TMEM108: variants seen among roughly 807,000 people sequenced by gnomAD.
The protein encoded by TMEM108 is cancer/testis antigen 124.
In TMEM108, 12 loss-of-function variants were observed where a neutral mutation model predicts 35.1. That is an observed-to-expected ratio of 0.34 (90% CI 0.22 to 0.55). The LOEUF (loss-of-function observed/expected upper bound fraction) is 0.55. Ranked by LOEUF, TMEM108 falls within the 20% of genes least tolerant of loss-of-function variation. The pLI is 0.89. For missense variants in TMEM108, 680 were observed against 753.3 expected (o/e 0.90, Z 1.14); for synonymous variants, 287 against 308.6 (o/e 0.93, Z 0.73).
chr3:133,133,396 A>G (rs1559842823), intron 2 of TMEM108, among the ~76,000 whole-genome samples: 1 of 152,204 alleles, frequency 6.6e-6, no homozygotes, highest in African/African-American at 2.4e-5. Flanking sequence ...TAATTAAGGT[A>G]TGTACTTTTT....
rs1553739801 is a variant in TMEM108 at position 133,143,975 on chromosome 3, T to TA, written c.-46-85290dup. ...TATTTTATTTTATTTTATTTTATTT[T>TA]ATTTTATTTTGCTTTGCTTTAAATT... On this transcript the variant is annotated intron_variant, in intron 2 of 5. Coordinates refer to ENST00000321871, the MANE Select transcript of TMEM108 (RefSeq NM_023943.4). Among the ~76,000 whole-genome samples the TA allele has an allele frequency of 1.6e-3, 237 of 150,898 alleles. 2 individuals are homozygous for TA. The highest frequency in any genetic ancestry group is 5.2e-3 in the African/African-American group (214 of 40,966).
chr3:133,156,762 G>T (rs1287033627), intron 2 of TMEM108, among the ~76,000 whole-genome samples: 1 of 152,130 alleles, frequency 6.6e-6, no homozygotes, highest in Non-Finnish European at 1.5e-5. Context: ...GTTAGGTATG[G>T]CCATGTGTCT....
At chr3:133,100,570 A>T (rs1199105521) in intron 2 of TMEM108, among the ~76,000 whole-genome samples, 1 of 152,182 alleles carries the variant, frequency 6.6e-6, no homozygotes, top group East Asian at 1.9e-4. Context: ...ATGCCACTGA[A>T]CACCAGCCTG....
chr3:133,260,050 C>T lies in TMEM108; in HGVS notation c.40+30699C>T, dbSNP rs554510371. Among the ~76,000 whole-genome samples, 66 of 152,296 alleles carry T rather than the reference C, an allele frequency of 4.3e-4. 1 individual carries two copies. Among genetic ancestry groups the T allele is most frequent in the Middle Eastern group, 3.4e-3 (1 of 294 alleles). ...GGCTCCTGCCAGATGTGGAAACAACCGTACCAGTTCATCTGCACCTTGAGC... is the reference window on the plus strand; with the variant it reads ...GGCTCCTGCCAGATGTGGAAACAACTGTACCAGTTCATCTGCACCTTGAGC... On this transcript the variant is annotated intron_variant, in intron 3 of 5. Transcript: ENST00000321871.
At chr3:133,168,267 C>T (rs1186663988) in intron 2 of TMEM108, among the ~76,000 whole-genome samples, 2 of 152,120 alleles carry the variant, frequency 1.3e-5, no homozygotes, top group Non-Finnish European at 2.9e-5. Flanking sequence ...AACAGAATAC[C>T]ACAGACTGGG....
chr3:133,368,365 G>C (rs1389868660), intron 3 of TMEM108, among the ~76,000 whole-genome samples: 1 of 152,220 alleles, frequency 6.6e-6, no homozygotes. Flanking sequence ...ACTTGTCTCT[G>C]TAAAATCCAA....
At chr3:133,337,026 CACAGT>C (rs1344479707) in intron 3 of TMEM108, among the ~76,000 whole-genome samples, 1 of 152,112 alleles carries the variant, frequency 6.6e-6, no homozygotes, top group African/African-American at 2.4e-5. Context: ...CCAGCTCAGC[CACAGT>C]ACAGTAGAAC....
chr3:133,274,424 C>T (rs907180581), intron 3 of TMEM108, among the ~76,000 whole-genome samples: 1 of 152,194 alleles, frequency 6.6e-6, no homozygotes, highest in Non-Finnish European at 1.5e-5. Context: ...TCTGCATGCA[C>T]AGTGCCTGGA....
intron 2 of TMEM108, among the ~76,000 whole-genome samples, chr3:133,172,331 T>G (rs1421715753): frequency 6.6e-6 from 1 of 152,216 alleles, no homozygotes; most frequent in Non-Finnish European, 1.5e-5. Flanking sequence ...AAGGCTAATA[T>G]TTATGAAGTC....
chr3:133,380,970 C>T lies in TMEM108; in HGVS notation c.1259C>T (p.Thr420Ile). ...MTDRVPSPLSTVVSTATGNFL... is the reference protein window; with the variant it reads ...MTDRVPSPLSIVVSTATGNFL... Reference sequence around the variant, plus strand: ...GACCGGGTGCCCAGTCCTCTCTCCACAGTGGTATCCACAGCCACAGGCAAT... The same window carrying T: ...GACCGGGTGCCCAGTCCTCTCTCCATAGTGGTATCCACAGCCACAGGCAAT... The change falls in exon 4 of 6, where the codon ACA becomes ATA. Residue 420 changes from threonine to isoleucine, a missense_variant. By Grantham distance (89) the Thr-to-Ile change is moderately conservative. This residue lies in a region of TMEM108 where 526 missense variants were observed against 532.1 expected (regional missense o/e 0.99). Transcript: ENST00000321871. This position sits in a 1 kb window ranked among gnomAD's most constrained non-coding sequence, Gnocchi z 5.3. The T allele has an allele frequency of 6.2e-7, 1 of 1,614,230 alleles. No individual in the cohort carries two copies. Among genetic ancestry groups the T allele is most frequent in the Non-Finnish European group, 8.5e-7 (1 of 1,180,034 alleles).
intron 3 of TMEM108, among the ~76,000 whole-genome samples, chr3:133,337,266 A>T (rs1425975241): frequency 1.3e-5 from 2 of 152,192 alleles, no homozygotes; most frequent in African/African-American, 4.8e-5. Flanking sequence ...TGCAGGCTGC[A>T]GGTCTTACCC....
At chr3:133,147,594 GCTTGTAGTA>G (rs1165726724) in intron 2 of TMEM108, among the ~76,000 whole-genome samples, 3 of 151,850 alleles carry the variant, frequency 2.0e-5, no homozygotes, top group Non-Finnish European at 4.4e-5. Context: ...TTTGTTTTTT[GCTTGTAGTA>G]AAAATATTGG....
intron 3 of TMEM108, among the ~76,000 whole-genome samples, chr3:133,358,573 G>A (rs373074168): frequency 3.9e-5 from 6 of 152,260 alleles, no homozygotes; most frequent in African/African-American, 1.4e-4. Flanking sequence ...GGATGCCTTC[G>A]TCCAGTGCTC....
chr3:133,258,957 A>G (rs1332447778), intron 3 of TMEM108, among the ~76,000 whole-genome samples: 1 of 152,186 alleles, frequency 6.6e-6, no homozygotes, highest in Non-Finnish European at 1.5e-5. Flanking sequence ...TTGTTTTAGT[A>G]TTTGCAGGCC....
chr3:133,067,867 A>C (rs1943629612), intron 2 of TMEM108, among the ~76,000 whole-genome samples: 1 of 152,228 alleles, frequency 6.6e-6, no homozygotes, highest in Non-Finnish European at 1.5e-5. Context: ...CTTGTCTCAC[A>C]GTTCTAAAAA....
intron 3 of TMEM108, among the ~76,000 whole-genome samples, chr3:133,248,869 T>C (rs1377985052): frequency 6.6e-6 from 1 of 152,232 alleles, no homozygotes; most frequent in African/African-American, 2.4e-5. Flanking sequence ...TGGCTTCTAA[T>C]ATACATCCAC....
intron 4 of TMEM108, among the ~76,000 whole-genome samples, chr3:133,382,158 C>T (rs1182628276): frequency 6.6e-6 from 1 of 152,194 alleles, no homozygotes; most frequent in Non-Finnish European, 1.5e-5. Flanking sequence ...CAAATGGTTA[C>T]CATCTGCCAC....
At chr3:133,147,170 T>G (rs1321241337) in intron 2 of TMEM108, among the ~76,000 whole-genome samples, 1 of 152,236 alleles carries the variant, frequency 6.6e-6, no homozygotes, top group African/African-American at 2.4e-5. Context: ...GTCTTTGTTC[T>G]CATAGGTTTC....
intron 2 of TMEM108, among the ~76,000 whole-genome samples, chr3:133,184,449 C>A (rs1038464642): frequency 6.6e-6 from 1 of 152,092 alleles, no homozygotes; most frequent in African/African-American, 2.4e-5. Context: ...ATTTTCTTTA[C>A]TGGGCAAAGA....
Sources: allele counts gnomAD v4.1 joint callset (sites outside exome capture counted in the v4.1 genomes callset), GRCh38; gene constraint gnomAD v4.1.1; regional missense constraint gnomAD v4.1.1; non-coding constraint Gnocchi (gnomAD v3.1); transcripts MANE v1.5; gene names NCBI Gene and HGNC (gene_info 2026-07-23, HGNC 2026-07-21).